GRM7: variants seen among roughly 807,000 people sequenced by gnomAD.
The protein encoded by GRM7 is glutamate metabotropic receptor 7.
In GRM7, 35 loss-of-function variants were observed where a neutral mutation model predicts 84.5. The observed-to-expected ratio is 0.41, with a 90% CI of 0.32 to 0.55. The LOEUF is 0.55. GRM7 is among the 20% of genes least tolerant of loss of function. The probability of loss-of-function intolerance (pLI) is 0.19; values close to 1 mark genes in which losing one functional copy is unlikely to be tolerated. For synonymous variants in GRM7, 487 were observed against 455.1 expected, an observed-to-expected ratio of 1.07 and a Z score of -0.89; for missense variants, 1,003 against 1,194.6, an observed-to-expected ratio of 0.84 and a Z score of 2.36.
intron 7 of GRM7, among the ~76,000 whole-genome samples, chr3:7,502,413 T>C (rs1033269203): frequency 3.9e-5 from 6 of 152,202 alleles, no homozygotes; most frequent in African/African-American, 1.4e-4. Flanking sequence ...AAGTCTGTTT[T>C]CTCTCCCTAG....
intron 8 of GRM7, among the ~76,000 whole-genome samples, chr3:7,630,068 C>T (rs1001903096): frequency 2.2e-4 from 33 of 152,110 alleles, no homozygotes; most frequent in Admixed American, 2.6e-4. Context: ...TAGTAAAATC[C>T]GACATCTAAA....
chr3:7,552,581 T>C (rs1040549080), intron 7 of GRM7, among the ~76,000 whole-genome samples: 6 of 152,120 alleles, frequency 3.9e-5, no homozygotes, highest in African/African-American at 1.4e-4. Context: ...AGATGGAGGA[T>C]CCCAAACCTC....
intron 4 of GRM7, among the ~76,000 whole-genome samples, chr3:7,331,226 G>C (rs982393954): frequency 6.6e-6 from 1 of 152,036 alleles, no homozygotes; most frequent in South Asian, 2.1e-4. Flanking sequence ...AATGAATAAA[G>C]AGGAGGCATG....
Position 7,019,960 on chromosome 3 carries a change from G to A in GRM7, c.520-126492G>A, listed in dbSNP as rs367612463. Among the ~76,000 whole-genome samples, 35 of 152,234 alleles carry A rather than the reference G, an allele frequency of 2.3e-4. No homozygotes were observed. In the South Asian group the frequency reaches 3.5e-3, roughly 15 times the overall value. ...TTGTTTCTATCACTGGCTGAAGTCC[G>A]CAAAGGAAAAATAAAACCTGTTCAT... On this transcript the variant is annotated intron_variant, in intron 1 of 9. Coordinates refer to ENST00000357716, the MANE Select transcript of GRM7 (RefSeq NM_000844.4).
intron 1 of GRM7, among the ~76,000 whole-genome samples, chr3:6,892,311 C>T (rs532916459): frequency 6.6e-6 from 1 of 152,240 alleles, no homozygotes; most frequent in East Asian, 1.9e-4. Flanking sequence ...CCTGGGTCAG[C>T]ATCCCGTATC....
chr3:7,146,365 T>G, intron 1 of GRM7, 87 bp from the exon 2 acceptor site: 1 of 1,047,338 alleles, frequency 9.5e-7, no homozygotes, highest in Admixed American at 1.7e-5. Flanking sequence ...GCTCAAACCC[T>G]GTATTTTAAG....
chr3:7,230,061 G>A (rs375306785), intron 2 of GRM7, among the ~76,000 whole-genome samples: 2 of 151,378 alleles, frequency 1.3e-5, no homozygotes, highest in South Asian at 2.1e-4. Flanking sequence ...GGATGGTCTC[G>A]ATCTCCTGAC....
At chr3:7,534,353 C>G (rs1331665777) in intron 7 of GRM7, among the ~76,000 whole-genome samples, 1 of 152,074 alleles carries the variant, frequency 6.6e-6, no homozygotes, top group South Asian at 2.1e-4. Flanking sequence ...CTCATTGAAG[C>G]CTTACAACCA....
intron 1 of GRM7, among the ~76,000 whole-genome samples, chr3:7,063,229 C>T (rs1201472173): frequency 6.6e-6 from 1 of 151,714 alleles, no homozygotes; most frequent in Non-Finnish European, 1.5e-5. Flanking sequence ...CATCGCCAAT[C>T]CAAAGACAAT....
At chr3:7,086,276 T>A (rs7639467) in intron 1 of GRM7, among the ~76,000 whole-genome samples, 75,664 of 151,906 alleles carry the variant, frequency 0.5, 20,148 homozygotes, top group African/African-American at 0.7. Context: ...CAGAATAAAT[T>A]AATATGCATG....
intron 1 of GRM7, among the ~76,000 whole-genome samples, chr3:7,035,459 TAA>T (rs994876407): frequency 3.9e-5 from 6 of 152,114 alleles, no homozygotes; most frequent in African/African-American, 7.2e-5. Context: ...ACTGAAATTT[TAA>T]AAAGAGTGAG....
chr3:7,017,889 C>T (rs1204154552), intron 1 of GRM7, among the ~76,000 whole-genome samples: 2 of 152,200 alleles, frequency 1.3e-5, no homozygotes, highest in Non-Finnish European at 2.9e-5. Context: ...GACATATAAT[C>T]ACCTCTTACC....
intron 7 of GRM7, among the ~76,000 whole-genome samples, chr3:7,473,742 A>G (rs1170211049): frequency 6.6e-6 from 1 of 152,194 alleles, no homozygotes. Context: ...TTGTTTGATT[A>G]GAGAGCTTGG....
chr3:7,177,650 A>G (rs1164478453), intron 2 of GRM7, among the ~76,000 whole-genome samples: 2 of 150,918 alleles, frequency 1.3e-5, no homozygotes, highest in Admixed American at 1.3e-4. Flanking sequence ...AAAGAAGGGA[A>G]TGAAATGCAG....
intron 1 of GRM7, among the ~76,000 whole-genome samples, chr3:6,998,193 C>A (rs1336978707): frequency 6.8e-6 from 1 of 145,994 alleles, no homozygotes; most frequent in Non-Finnish European, 1.5e-5. Flanking sequence ...GTTAAATACA[C>A]CCATTCCAAA....
chr3:6,950,438 C>T (rs146266838), intron 1 of GRM7, among the ~76,000 whole-genome samples: 14 of 152,274 alleles, frequency 9.2e-5, no homozygotes, highest in South Asian at 2.1e-4. Context: ...GAGGAGTACC[C>T]GGCCGTGTGA....
intron 1 of GRM7, among the ~76,000 whole-genome samples, chr3:6,902,446 A>T (rs1289902231): frequency 1.3e-5 from 2 of 152,196 alleles, no homozygotes; most frequent in Admixed American, 6.5e-5. Flanking sequence ...TTATTGAAGT[A>T]TATTCCTCCA....
intron 1 of GRM7, among the ~76,000 whole-genome samples, chr3:7,094,547 T>C (rs1177200572): frequency 6.6e-6 from 1 of 152,188 alleles, no homozygotes; most frequent in Non-Finnish European, 1.5e-5. Flanking sequence ...GCCAGGTTTA[T>C]ACTCTTTTCC....
At chr3:7,718,790 G>C (rs1019474409) in intron 9 of GRM7, among the ~76,000 whole-genome samples, 2 of 152,136 alleles carry the variant, frequency 1.3e-5, no homozygotes, top group African/African-American at 4.8e-5. Context: ...TGGGCATAAG[G>C]TCATGCAGGA....
Sources: gnomAD v4.1 joint callset for allele counts (sites outside exome capture counted in the v4.1 genomes callset) on GRCh38, gnomAD v4.1.1 for gene constraint, MANE v1.5 for transcripts, NCBI Gene and HGNC (gene_info 2026-07-23, HGNC 2026-07-21) for gene names.